CTNND2: variants seen among roughly 807,000 people sequenced by gnomAD.
CTNND2 encodes the protein catenin delta-2.
Under a neutral mutation model 144.4 loss-of-function variants are expected in CTNND2, and 22 were observed. The observed-to-expected ratio is 0.15, with a 90% CI of 0.11 to 0.22. The LOEUF is 0.22. Among genes scored for constraint, CTNND2 ranks in the 10% least tolerant of loss-of-function variants. CTNND2 has a pLI of 1.00. For missense variants in CTNND2, 1,353 were observed against 1,618.8 expected (o/e 0.84, Z 2.82); for synonymous variants, 751 against 695.6 (o/e 1.08, Z -1.25).
At chr5:11,846,077 C>T (rs779166154) in intron 1 of CTNND2, among the ~76,000 whole-genome samples, 2 of 151,918 alleles carry the variant, frequency 1.3e-5, no homozygotes, top group South Asian at 4.2e-4. Context: ...AATATAGGAG[C>T]GAATTGGTGA....
chr5:11,545,069 C>T (rs1228476161), intron 3 of CTNND2, among the ~76,000 whole-genome samples: 1 of 148,994 alleles, frequency 6.7e-6, no homozygotes, highest in Non-Finnish European at 1.5e-5. Context: ...TTGCAGTGAG[C>T]CAAGATCACG....
chr5:11,590,118 G>GCT (rs1779136363), intron 2 of CTNND2, among the ~76,000 whole-genome samples: 1 of 150,086 alleles, frequency 6.7e-6, no homozygotes, highest in Admixed American at 6.6e-5. Flanking sequence ...CGATCTAAGT[G>GCT]CACTGCAAGC....
chr5:11,198,334 G>GA (rs1156638856), intron 11 of CTNND2, among the ~76,000 whole-genome samples: 1 of 152,004 alleles, frequency 6.6e-6, no homozygotes, highest in Non-Finnish European at 1.5e-5. Flanking sequence ...AAAAACAAAA[G>GA]AAAAAAACCA....
At chr5:11,362,309 TATG>T (rs1369263207) in intron 8 of CTNND2, among the ~76,000 whole-genome samples, 1 of 152,260 alleles carries the variant, frequency 6.6e-6, no homozygotes, top group Non-Finnish European at 1.5e-5. Flanking sequence ...TAATATTATA[TATG>T]ATGTCTTTAA....
At chr5:11,026,266 G>A (rs916280930) in intron 16 of CTNND2, among the ~76,000 whole-genome samples, 1 of 151,914 alleles carries the variant, frequency 6.6e-6, no homozygotes, top group Non-Finnish European at 1.5e-5. Flanking sequence ...GCCTGTCTTG[G>A]AATGACCTGC....
intron 9 of CTNND2, among the ~76,000 whole-genome samples, chr5:11,304,588 G>C (rs1021436832): frequency 2.6e-5 from 4 of 152,138 alleles, no homozygotes; most frequent in Non-Finnish European, 5.9e-5. Flanking sequence ...TTATTAAACT[G>C]AGATCAGGGA....
At chr5:11,680,300 G>A (rs1053195091) in intron 2 of CTNND2, among the ~76,000 whole-genome samples, 6 of 152,084 alleles carry the variant, frequency 3.9e-5, no homozygotes, top group Admixed American at 3.9e-4. Context: ...CTAGAGCAGT[G>A]GTTTCCACAC....
At chr5:11,518,985 T>C (rs1772460972) in intron 3 of CTNND2, among the ~76,000 whole-genome samples, 2 of 151,806 alleles carry the variant, frequency 1.3e-5, no homozygotes, top group Admixed American at 6.6e-5. Flanking sequence ...CTCCTTTTTT[T>C]CCCTATTTCC....
intron 1 of CTNND2, among the ~76,000 whole-genome samples, chr5:11,794,968 T>C (rs1359266566): frequency 1.3e-5 from 2 of 152,208 alleles, no homozygotes; most frequent in Non-Finnish European, 2.9e-5. Context: ...AACACTACTA[T>C]ATTTGTATTT....
intron 2 of CTNND2, among the ~76,000 whole-genome samples, chr5:11,703,973 T>C (rs957842114): frequency 3.9e-5 from 6 of 152,174 alleles, no homozygotes; most frequent in Non-Finnish European, 5.9e-5. Context: ...AACAAGCATA[T>C]AGAGTGTCTT....
intron 2 of CTNND2, among the ~76,000 whole-genome samples, chr5:11,665,629 G>C (rs1783527645): frequency 6.6e-6 from 1 of 152,132 alleles, no homozygotes; most frequent in Non-Finnish European, 1.5e-5. Flanking sequence ...TTTCCAGAAT[G>C]ACAGATTTAT....
chr5:11,883,375 CT>C (rs1314363073), intron 1 of CTNND2, among the ~76,000 whole-genome samples: 1 of 152,054 alleles, frequency 6.6e-6, no homozygotes, highest in Non-Finnish European at 1.5e-5. Flanking sequence ...TGTTCCTCTC[CT>C]TGTGTCCACG....
intron 9 of CTNND2, among the ~76,000 whole-genome samples, chr5:11,257,575 A>C (rs561396896): frequency 6.6e-6 from 1 of 152,208 alleles, no homozygotes; most frequent in African/African-American, 2.4e-5. Context: ...AGATCTCCTG[A>C]GAACTCACTC....
At chr5:11,438,248 T>C (rs1763945554) in intron 3 of CTNND2, among the ~76,000 whole-genome samples, 1 of 152,234 alleles carries the variant, frequency 6.6e-6, no homozygotes, top group Non-Finnish European at 1.5e-5. Context: ...CAATTATATA[T>C]TTCCATTTCT....
At chr5:11,497,511 C>G (rs1156715716) in intron 3 of CTNND2, among the ~76,000 whole-genome samples, 1 of 6,246 alleles carries the variant, frequency 1.6e-4, no homozygotes, top group African/African-American at 9.5e-4. Context: ...GAATGATGTG[C>G]GGGGGGGTGG....
chr5:11,421,581 G>C (rs1163576939), intron 3 of CTNND2, among the ~76,000 whole-genome samples: 1 of 152,072 alleles, frequency 6.6e-6, no homozygotes, highest in Non-Finnish European at 1.5e-5. Context: ...TGGTCCACTG[G>C]GGGAGGGCCA....
chr5:11,562,810 A>G (rs1269841226), intron 3 of CTNND2, among the ~76,000 whole-genome samples: 1 of 152,242 alleles, frequency 6.6e-6, no homozygotes, highest in Non-Finnish European at 1.5e-5. Flanking sequence ...AGATGAATCA[A>G]ATCAAATGAG....
At chr5:11,703,160 T>C (rs1316804928) in intron 2 of CTNND2, among the ~76,000 whole-genome samples, 1 of 152,156 alleles carries the variant, frequency 6.6e-6, no homozygotes, top group Admixed American at 6.5e-5. Flanking sequence ...CTGAAGTCAA[T>C]TCATTCCAAG....
At chr5:11,734,256 T>C (rs1329801726) in intron 1 of CTNND2, among the ~76,000 whole-genome samples, 1 of 152,198 alleles carries the variant, frequency 6.6e-6, no homozygotes, top group African/African-American at 2.4e-5. Context: ...CCTCTCTCCA[T>C]GTCCAATGGT....
Sources: allele counts gnomAD v4.1 joint callset (sites outside exome capture counted in the v4.1 genomes callset), GRCh38; gene constraint gnomAD v4.1.1; transcripts MANE v1.5; gene names NCBI Gene and HGNC (gene_info 2026-07-23, HGNC 2026-07-21).